ATXN1: variants seen among roughly 807,000 people sequenced by gnomAD.
ATXN1 encodes ataxin-1.
In ATXN1, 8 loss-of-function variants were observed where a neutral mutation model predicts 56.4. The ratio of observed to expected loss-of-function variants is 0.14; its 90% CI spans 0.08 to 0.26. The LOEUF (loss-of-function observed/expected upper bound fraction) is 0.26, where lower values mean the gene tolerates loss of function less well. ATXN1 is among the 10% of genes least tolerant of loss of function. The pLI, the probability that ATXN1 is intolerant of heterozygous loss-of-function variation, is 1.00. For missense variants in ATXN1, 987 were observed against 1,106.5 expected (o/e 0.89, Z 1.53); for synonymous variants, 514 against 494.6 (o/e 1.04, Z -0.52).
intron 3 of ATXN1, among the ~76,000 whole-genome samples, chr6:16,624,502 T>C (rs1763374115): frequency 6.6e-6 from 1 of 152,120 alleles, no homozygotes; most frequent in Admixed American, 6.5e-5. Context: ...GTATGGTTTA[T>C]TTATTTACTT....
At chr6:16,386,410 G>T (rs1758241434) in intron 6 of ATXN1, among the ~76,000 whole-genome samples, 2 of 152,168 alleles carry the variant, frequency 1.3e-5, no homozygotes, top group African/African-American at 2.4e-5. Flanking sequence ...TAACATATTT[G>T]CAAAGGCACA....
intron 2 of ATXN1, among the ~76,000 whole-genome samples, chr6:16,742,473 GC>G (rs1477111037): frequency 2.0e-5 from 3 of 152,218 alleles, no homozygotes; most frequent in Non-Finnish European, 4.4e-5. Context: ...GGTTAAAAGG[GC>G]CTTAGGGTAC....
intron 6 of ATXN1, among the ~76,000 whole-genome samples, chr6:16,469,687 G>A (rs1199865196): frequency 1.3e-5 from 2 of 152,188 alleles, no homozygotes; most frequent in Non-Finnish European, 2.9e-5. Flanking sequence ...GTGAAGACTG[G>A]GTGCGGTGGC....
intron 4 of ATXN1, among the ~76,000 whole-genome samples, chr6:16,566,890 T>C (rs1762240599): frequency 7.0e-6 from 1 of 142,704 alleles, no homozygotes; most frequent in Non-Finnish European, 1.5e-5. Context: ...AACAAAAACA[T>C]TTTGTAGAGG....
chr6:16,363,088 TATC>T (rs1423065202), intron 6 of ATXN1, among the ~76,000 whole-genome samples: 1 of 152,204 alleles, frequency 6.6e-6, no homozygotes, highest in African/African-American at 2.4e-5. Context: ...TCAGATCCCT[TATC>T]ATGTTATTTC....
At chr6:16,730,487 G>GTGTATATATA (rs141836403) in intron 2 of ATXN1, among the ~76,000 whole-genome samples, 2,027 of 131,988 alleles carry the variant, frequency 0.015, 108 homozygotes, top group East Asian at 0.022. Context: ...AAAACAGTAT[G>GTGTATATATA]TATATATATA....
chr6:16,431,236 A>C (rs1024497454), intron 6 of ATXN1, among the ~76,000 whole-genome samples: 1 of 152,210 alleles, frequency 6.6e-6, no homozygotes, highest in African/African-American at 2.4e-5. Flanking sequence ...TGAAATTATC[A>C]GGGAGGAAGA....
At chr6:16,665,004 C>G (rs907078877) in intron 2 of ATXN1, among the ~76,000 whole-genome samples, 1 of 152,020 alleles carries the variant, frequency 6.6e-6, no homozygotes. Context: ...AGAGTGAGAT[C>G]CATTTAGATT....
intron 6 of ATXN1, among the ~76,000 whole-genome samples, chr6:16,479,456 T>G (rs1206694358): frequency 6.6e-6 from 1 of 152,248 alleles, no homozygotes; most frequent in Non-Finnish European, 1.5e-5. Flanking sequence ...AAATTTAACA[T>G]GAATTTAAGT....
chr6:16,695,242 T>A (rs3812199), intron 2 of ATXN1, among the ~76,000 whole-genome samples: 13 of 151,980 alleles, frequency 8.6e-5, no homozygotes, highest in South Asian at 2.1e-4. Flanking sequence ...CTGAAAAGGA[T>A]ACATTATAAA....
At chr6:16,576,424 A>G (rs1762423448) in intron 4 of ATXN1, among the ~76,000 whole-genome samples, 1 of 152,212 alleles carries the variant, frequency 6.6e-6, no homozygotes, top group African/African-American at 2.4e-5. Context: ...CCAAGCAAGC[A>G]AAGACACAAG....
intron 4 of ATXN1, among the ~76,000 whole-genome samples, chr6:16,557,130 C>T (rs1762028417): frequency 6.6e-6 from 1 of 151,884 alleles, no homozygotes; most frequent in East Asian, 1.9e-4. Context: ...TCGAGACCAG[C>T]CTAACCAAAC....
Position 16,306,730 on chromosome 6 carries a change from T to A in ATXN1, c.2047A>T (p.Ile683Phe). ...TTCAGGTTCTTGAGGGTAAGCGAGA[T>A]GCAGACATCCCCAACTGAGAGTTTG... is the stretch of plus-strand genomic sequence containing the variant. ...CSKLSVGDVC[I>F]SLTLKNLKNG... The change falls in exon 8 of 8, where the codon ATC becomes TTC. Residue 683 changes from isoleucine to phenylalanine, a missense_variant. Transcript: ENST00000436367. This position sits in a 1 kb window ranked among gnomAD's most constrained non-coding sequence, Gnocchi z 5.2. 6.2e-7 allele frequency: 1 copy of A among 1,614,070 alleles called. No homozygotes were observed. Among genetic ancestry groups the A allele is most frequent in the Non-Finnish European group, 8.5e-7 (1 of 1,179,986 alleles).
chr6:16,404,273 A>G (rs1561883204), intron 6 of ATXN1, among the ~76,000 whole-genome samples: 1 of 152,224 alleles, frequency 6.6e-6, no homozygotes, highest in Non-Finnish European at 1.5e-5. Context: ...AGTTCTTTAA[A>G]GCAGAAAGAT....
In ATXN1 at chr6:16,306,265, A is replaced by G. The variant is rs546244510; in HGVS notation, c.*64T>C. On this transcript the variant is annotated 3_prime_UTR_variant, in exon 8 of 8. Transcript: ENST00000436367. This position sits in a 1 kb window ranked among gnomAD's most constrained non-coding sequence, Gnocchi z 5.2. ...TGTAAATACTGTGTTATTTTAGCCT[A>G]CAGTACAGTAATCTGGATACAAATG... The G allele has an allele frequency of 8.8e-5, 133 of 1,503,196 alleles. 1 individual carries two copies. Among genetic ancestry groups the G allele is most frequent in the Non-Finnish European group, 1.2e-4 (131 of 1,126,108 alleles). The allele number at this position is 1,503,196 out of a possible 1,614,324, so 93.1% of individuals were successfully genotyped here.
chr6:16,658,599 G>T (rs1363605327), intron 2 of ATXN1, among the ~76,000 whole-genome samples: 3 of 152,194 alleles, frequency 2.0e-5, no homozygotes, highest in Non-Finnish European at 2.9e-5. Context: ...GTCTGACAAG[G>T]TCACTCTGAA....
intron 5 of ATXN1, among the ~76,000 whole-genome samples, chr6:16,492,299 A>G (rs1268334963): frequency 6.6e-6 from 1 of 152,006 alleles, no homozygotes; most frequent in Non-Finnish European, 1.5e-5. Context: ...GGGGAGGGAT[A>G]GCATTAGGAG....
chr6:16,720,190 C>A (rs1053945198), intron 2 of ATXN1, among the ~76,000 whole-genome samples: 22 of 152,180 alleles, frequency 1.4e-4, no homozygotes, highest in Admixed American at 1.3e-3. Flanking sequence ...GGCTCCTATA[C>A]CTTACTGCAG....
intron 4 of ATXN1, among the ~76,000 whole-genome samples, chr6:16,550,523 A>T (rs1761901305): frequency 1.3e-5 from 2 of 152,248 alleles, no homozygotes; most frequent in African/African-American, 4.8e-5. Context: ...ACTGTTGACT[A>T]TGCTCTTCTG....
Sources: allele counts gnomAD v4.1 joint callset (sites outside exome capture counted in the v4.1 genomes callset), GRCh38; gene constraint gnomAD v4.1.1; non-coding constraint Gnocchi (gnomAD v3.1); transcripts MANE v1.5; gene names NCBI Gene and HGNC (gene_info 2026-07-23, HGNC 2026-07-21).